DPP8: variants seen among roughly 807,000 people sequenced by gnomAD.
DPP8 encodes the protein dipeptidyl peptidase 8, also known as DPP VIII.
A neutral mutation model predicts 107.5 loss-of-function variants in DPP8; 31 were observed. The ratio of observed to expected loss-of-function variants is 0.29; its 90% CI spans 0.22 to 0.39. The LOEUF is 0.39. Ranked by LOEUF, DPP8 falls within the 10% of genes least tolerant of loss-of-function variation. DPP8 has a pLI of 1.00. For missense variants in DPP8, 842 were observed against 1,076.1 expected, an observed-to-expected ratio of 0.78 and a Z score of 3.04; for synonymous variants, 381 against 356.6, an observed-to-expected ratio of 1.07 and a Z score of -0.77.
intron 4 of DPP8, 96 bp from the exon 5 acceptor site, chr15:65,498,128 T>C: frequency 2.0e-6 from 2 of 991,862 alleles, no homozygotes; most frequent in Non-Finnish European, 2.8e-6. Flanking sequence ...CTAGGTAAAA[T>C]GTCAACAATG....
chr15:65,464,037 G>C (rs2065132141), intron 14 of DPP8, 131 bp from the exon 15 acceptor site: 1 of 657,894 alleles, frequency 1.5e-6, no homozygotes, highest in South Asian at 2.3e-5. Flanking sequence ...CAGATGATAA[G>C]CTAGAATTTA....
At chr15:65,448,685 A>AT (rs1372563732) in intron 19 of DPP8, among the ~76,000 whole-genome samples, 1 of 136,448 alleles carries the variant, frequency 7.3e-6, no homozygotes, top group African/African-American at 2.8e-5. Context: ...AAAAAAAAAA[A>AT]AAAAAATATA....
At chr15:65,475,200 T>G (rs923825463) in intron 11 of DPP8, 21 of 458,868 alleles carry the variant, frequency 4.6e-5, no homozygotes, top group Non-Finnish European at 8.0e-5. Flanking sequence ...GTGATATTTC[T>G]GCCAGGATAC....
chr15:65,489,580 A>ATTT (rs67109112), intron 6 of DPP8, among the ~76,000 whole-genome samples: 1 of 125,542 alleles, frequency 8.0e-6, no homozygotes. Context: ...TGCCCAGCTA[A>ATTT]TTTTTTTTTT....
At chr15:65,457,563 CCAT>C (rs1224800471) in intron 15 of DPP8, among the ~76,000 whole-genome samples, 2 of 151,862 alleles carry the variant, frequency 1.3e-5, no homozygotes. Flanking sequence ...TGGGGTCTCA[CCAT>C]CATATCTTTT....
At chr15:65,491,934 G>A (rs948389501) in intron 5 of DPP8, among the ~76,000 whole-genome samples, 6 of 152,066 alleles carry the variant, frequency 3.9e-5, no homozygotes, top group Non-Finnish European at 7.4e-5. Flanking sequence ...GGGTTTCACT[G>A]TGTTAGCCAG....
rs1047084822 is a variant in DPP8, at chr15:65,466,929, T to C, written c.1690-116A>G. 1.1e-5 allele frequency: 15 copies of C among 1,404,218 alleles called. No individual in the cohort carries two copies. In the African/African-American group the frequency reaches 1.3e-4, roughly 12 times the overall value. The allele number at this position is 1,404,218 out of a possible 1,614,324, so 87.0% of individuals were successfully genotyped here. ...TTATAAGAGACTATTTATGTACATATACAATGTTGAAATTAAGCTTTTTAA... is the reference window on the plus strand; with the variant it reads ...TTATAAGAGACTATTTATGTACATACACAATGTTGAAATTAAGCTTTTTAA... On this transcript the variant is annotated intron_variant, in intron 13 of 19. Transcript: ENST00000300141.
chr15:65,476,209 G>A (rs1595953278), intron 11 of DPP8, among the ~76,000 whole-genome samples: 1 of 152,140 alleles, frequency 6.6e-6, no homozygotes, highest in Non-Finnish European at 1.5e-5. Flanking sequence ...GGCTGTATTA[G>A]TGTCTTTCCT....
intron 2 of DPP8, chr15:65,511,933 C>T (rs2070838351): frequency 2.8e-6 from 1 of 355,668 alleles, no homozygotes; most frequent in Middle Eastern, 4.2e-4. Flanking sequence ...CAAAAACAGC[C>T]TTGGATTAAA....
intron 7 of DPP8, among the ~76,000 whole-genome samples, chr15:65,486,804 GA>G (rs2140856324): frequency 6.6e-6 from 1 of 152,240 alleles, no homozygotes; most frequent in East Asian, 1.9e-4. Context: ...GCATAAGAAT[GA>G]TATAATGGAC....
At chr15:65,456,409 G>A in intron 15 of DPP8, 38 bp from the exon 16 acceptor site, 1 of 1,581,356 alleles carries the variant, frequency 6.3e-7, no homozygotes, top group Non-Finnish European at 8.6e-7. Context: ...TCATATGGAA[G>A]CATATAAAAA....
intron 19 of DPP8, among the ~76,000 whole-genome samples, chr15:65,448,743 AAAATATACATATATATCTG>A (rs1455383261): frequency 4.6e-5 from 6 of 129,196 alleles, no homozygotes; most frequent in African/African-American, 2.0e-4. Context: ...ATATATATCT[AAAATATACATATATATCTG>A]AAATATACAT....
chr15:65,512,871 G>A (rs2070974464), intron 1 of DPP8: 1 of 304,262 alleles, frequency 3.3e-6, no homozygotes, highest in African/African-American at 2.2e-5. Flanking sequence ...TTCCCACACT[G>A]GAAGGAAACA....
chr15:65,514,204 T>C (rs1332836131), intron 1 of DPP8, among the ~76,000 whole-genome samples: 1 of 152,214 alleles, frequency 6.6e-6, no homozygotes, highest in African/African-American at 2.4e-5. Context: ...CATGCTACAG[T>C]TACCTATGTT....
chr15:65,507,379 T>C (rs774246676), intron 2 of DPP8, 24 bp from the exon 3 acceptor site: 8 of 1,457,620 alleles, frequency 5.5e-6, no homozygotes, highest in South Asian at 4.7e-5. Flanking sequence ...CAATCATTTA[T>C]TATTATTTTT....
chr15:65,514,503 T>C (rs887911151), intron 1 of DPP8, among the ~76,000 whole-genome samples: 1 of 152,072 alleles, frequency 6.6e-6, no homozygotes, highest in Admixed American at 6.5e-5. Context: ...AGTTTTGTTG[T>C]TGTTGCTGTT....
At position 65,485,075 on chromosome 15, in the gene DPP8, G is replaced by T. The variant is rs1489095362; in HGVS notation, c.1017+24C>A. 5 of 1,577,208 alleles carry T rather than the reference G, an allele frequency of 3.2e-6. No individual in the cohort carries two copies. In the Admixed American group the frequency reaches 8.4e-5, roughly 26 times the overall value. On this transcript the variant is annotated intron_variant, in intron 8 of 19. Coordinates refer to ENST00000300141, the MANE Select transcript of DPP8 (RefSeq NM_130434.5). ...ATAGATTAGTCAAATGACGCAGAAG[G>T]TCAACTCAGCATTTTATACTTACCC...
intron 1 of DPP8, among the ~76,000 whole-genome samples, chr15:65,514,770 A>C (rs188717530): frequency 6.6e-6 from 1 of 152,258 alleles, no homozygotes; most frequent in Admixed American, 6.5e-5. Flanking sequence ...TTGGCCTCCC[A>C]AAGTGCTGGG....
intron 3 of DPP8, among the ~76,000 whole-genome samples, chr15:65,502,477 A>T (rs1028394449): frequency 4.6e-5 from 7 of 152,088 alleles, no homozygotes; most frequent in Non-Finnish European, 1.0e-4. Context: ...CAGGAGTTCA[A>T]ATCCAGCCTG....
Sources: allele counts gnomAD v4.1 joint callset (sites outside exome capture counted in the v4.1 genomes callset), GRCh38; gene constraint gnomAD v4.1.1; transcripts MANE v1.5; gene names NCBI Gene and HGNC (gene_info 2026-07-23, HGNC 2026-07-21).